The following FNTB variants were observed in gnomAD, a reference collection of about 807,000 sequenced individuals.
FNTB encodes the protein farnesyltransferase, CAAX box, subunit beta, also known as protein farnesyltransferase subunit beta.
A neutral mutation model predicts 59.4 loss-of-function variants in FNTB; 27 were observed. The observed-to-expected ratio is 0.45, with a 90% CI of 0.34 to 0.63. The LOEUF (loss-of-function observed/expected upper bound fraction) is 0.63. Ranked by LOEUF, FNTB falls within the 20% of genes least tolerant of loss-of-function variation. The pLI is 0.02. For missense variants in FNTB, 449 were observed against 559.6 expected (o/e 0.80, Z 1.99); for synonymous variants, 230 against 220.7 (o/e 1.04, Z -0.37).
chr14:65,000,046 A>T (rs971153800), intron 1 of FNTB, among the ~76,000 whole-genome samples: 3 of 152,216 alleles, frequency 2.0e-5, no homozygotes, highest in Non-Finnish European at 4.4e-5. Context: ...ACTTCTGATT[A>T]AGGAGTTCCT....
chr14:65,004,393 A>T, intron 2 of FNTB, 80 bp downstream of exon 2: 1 of 1,457,016 alleles, frequency 6.9e-7, no homozygotes. Context: ...CCTTGAGCGA[A>T]TCTAACCACG....
chr14:65,005,444 C>CTTTCT (rs1222860047), intron 2 of FNTB, among the ~76,000 whole-genome samples: 8 of 148,584 alleles, frequency 5.4e-5, no homozygotes, highest in South Asian at 2.2e-4. Flanking sequence ...CTTTCTCTTC[C>CTTTCT]TTTCTTTTCT....
chr14:65,016,819 C>T (rs561969635), intron 4 of FNTB, among the ~76,000 whole-genome samples: 1 of 151,732 alleles, frequency 6.6e-6, no homozygotes, highest in Non-Finnish European at 1.5e-5. Context: ...TTTTGATCAT[C>T]GGGATGCCAC....
Position 65,044,342 on chromosome 14 carries a change from AAGG to A in FNTB, c.859_861del (p.Gly287del). 1 of 1,613,524 alleles carries A rather than the reference AAGG, an allele frequency of 6.2e-7. No homozygotes were observed. Among genetic ancestry groups the A allele is most frequent in the Non-Finnish European group, 8.5e-7 (1 of 1,179,834 alleles). On this transcript the variant is annotated inframe_deletion, in exon 9 of 12. Coordinates refer to ENST00000246166, the MANE Select transcript of FNTB (RefSeq NM_002028.4). The surrounding 1 kb of genome is among the most constrained non-coding windows in gnomAD (Gnocchi z 5.5). ...GTGACAAGCCGGCAGATGCGATTTG[AAGG>A]AGGATTTCAGGGCCGCTGCAACAAG...
chr14:64,999,740 A>G (rs1021135581), intron 1 of FNTB, among the ~76,000 whole-genome samples: 4 of 152,210 alleles, frequency 2.6e-5, no homozygotes, highest in African/African-American at 9.6e-5. Flanking sequence ...CTTAAAAGAA[A>G]ATTATTCATT....
chr14:65,044,556 G>A lies in FNTB; in HGVS notation c.955+113G>A. On this transcript the variant is annotated intron_variant, in intron 9 of 11. Transcript: ENST00000246166. The surrounding 1 kb of genome is among the most constrained non-coding windows in gnomAD (Gnocchi z 5.5). ...GGTTGAAATGAGCTCTGTCTATCCTGGATTTTGAGTGCCCAGTGTGGAACC... is the reference window on the plus strand; with the variant it reads ...GGTTGAAATGAGCTCTGTCTATCCTAGATTTTGAGTGCCCAGTGTGGAACC... 6.8e-7 allele frequency: 1 copy of A among 1,461,772 alleles called. No individual in the cohort carries two copies. The highest frequency in any genetic ancestry group is 9.1e-7 in the Non-Finnish European group (1 of 1,104,656). The allele number at this position is 1,461,772 out of a possible 1,614,324, so 90.6% of individuals were successfully genotyped here.
intron 1 of FNTB, 28 bp downstream of exon 1, chr14:64,987,125 C>T (rs761924634): frequency 8.7e-6 from 14 of 1,613,302 alleles, no homozygotes; most frequent in Non-Finnish European, 1.2e-5. Flanking sequence ...GGCGAGGCGC[C>T]CGCGCGATGT....
intron 1 of FNTB, among the ~76,000 whole-genome samples, chr14:64,988,509 AC>A (rs1888046992): frequency 7.7e-6 from 1 of 130,198 alleles, no homozygotes; most frequent in Non-Finnish European, 1.5e-5. Context: ...GCACTGGCTT[AC>A]TGCACCCTCC....
At chr14:65,037,802 A>G (rs1431642082) in intron 7 of FNTB, among the ~76,000 whole-genome samples, 1 of 138,840 alleles carries the variant, frequency 7.2e-6, no homozygotes, top group Non-Finnish European at 1.5e-5. Context: ...ATTTATTGAG[A>G]TGGTGCCTTG....
intron 9 of FNTB, among the ~76,000 whole-genome samples, chr14:65,052,143 T>G (rs1392388900): frequency 6.6e-6 from 1 of 152,200 alleles, no homozygotes; most frequent in Middle Eastern, 3.2e-3. Flanking sequence ...TTTAGCTCAG[T>G]TCTTTTTATG....
chr14:65,027,358 G>A lies in FNTB; in HGVS notation c.375-95G>A. 4.5e-6 allele frequency: 7 copies of A among 1,559,046 alleles called. No homozygotes were observed. Among genetic ancestry groups the A allele is most frequent in the Non-Finnish European group, 6.1e-6 (7 of 1,152,382 alleles). On this transcript the variant is annotated intron_variant, in intron 4 of 11. Coordinates refer to ENST00000246166, the MANE Select transcript of FNTB (RefSeq NM_002028.4). The surrounding 1 kb of genome is among the most constrained non-coding windows in gnomAD (Gnocchi z 5.7). The stretch of plus-strand genomic sequence containing the variant: ...GTTCCCCTCAACTTTTGAGGGAGTG[G>A]GGGATCATTGGAAAGGCCTGGAATC...
intron 7 of FNTB, among the ~76,000 whole-genome samples, chr14:65,040,283 GTATATA>G (rs570646451): frequency 6.8e-6 from 1 of 147,014 alleles, no homozygotes; most frequent in Non-Finnish European, 1.5e-5. Context: ...ATATATGTGT[GTATATA>G]TATATATGTA....
At chr14:65,043,751 A>G (rs966643624) in intron 8 of FNTB, among the ~76,000 whole-genome samples, 14 of 138,318 alleles carry the variant, frequency 1.0e-4, no homozygotes, top group Non-Finnish European at 2.0e-4. Context: ...GAACCCGGGA[A>G]GCGGAGCTTG....
At chr14:65,024,454 C>T in intron 4 of FNTB, among the ~76,000 whole-genome samples, 1 of 152,162 alleles carries the variant, frequency 6.6e-6, no homozygotes, top group Non-Finnish European at 1.5e-5. Context: ...TCTTTTCCAC[C>T]TCAGCAGGAC....
chr14:64,988,832 G>A (rs904954396), intron 1 of FNTB, among the ~76,000 whole-genome samples: 7 of 152,140 alleles, frequency 4.6e-5, no homozygotes, highest in Admixed American at 6.5e-5. Flanking sequence ...TAGAGTCTAG[G>A]ATGAACAGTT....
intron 9 of FNTB, among the ~76,000 whole-genome samples, chr14:65,050,742 T>C (rs74448447): frequency 6.6e-6 from 1 of 152,244 alleles, no homozygotes; most frequent in East Asian, 1.9e-4. Flanking sequence ...TCCACAGGGA[T>C]TGTGCTGAGA....
chr14:64,987,086 T>A lies in FNTB; in HGVS notation c.133T>A (p.Ser45Thr). ...LQDDSVETVT[S>T]IEQAKVEEKI... ...GGACGACTCGGTGGAAACAGTCACG[T>A]CCATAGAACAGGTGAGGTGGCAGGA... The change falls in exon 1 of 12, where the codon TCC becomes ACC. Residue 45 changes from serine to threonine, a missense_variant. Ser to Thr is a moderately conservative substitution (Grantham distance 58). Transcript: ENST00000246166. The A allele has an allele frequency of 6.2e-7, 1 of 1,614,172 alleles. No individual in the cohort carries two copies. Among genetic ancestry groups the A allele is most frequent in the Non-Finnish European group, 8.5e-7 (1 of 1,180,032 alleles).
chr14:65,018,559 C>T (rs1327533453), intron 4 of FNTB, among the ~76,000 whole-genome samples: 1 of 152,104 alleles, frequency 6.6e-6, no homozygotes, highest in African/African-American at 2.4e-5. Flanking sequence ...CCTGTAATCC[C>T]AGGGCTTGGG....
At chr14:65,006,261 G>A (rs369406214) in intron 2 of FNTB, 11 of 1,613,926 alleles carry the variant, frequency 6.8e-6, no homozygotes, top group African/African-American at 1.3e-5. Context: ...AGACAGGTGG[G>A]AGGGTTAACT....
Sources: allele counts gnomAD v4.1 joint callset (sites outside exome capture counted in the v4.1 genomes callset), GRCh38; gene constraint gnomAD v4.1.1; non-coding constraint Gnocchi (gnomAD v3.1); transcripts MANE v1.5; gene names NCBI Gene and HGNC (gene_info 2026-07-23, HGNC 2026-07-21).